PDE5A: variants seen among roughly 807,000 people sequenced by gnomAD.
PDE5A encodes phosphodiesterase 5A.
In PDE5A, 67 loss-of-function variants were observed where a neutral mutation model predicts 110.2. The ratio of observed to expected loss-of-function variants is 0.61; its 90% CI spans 0.50 to 0.75. PDE5A has a LOEUF of 0.75. PDE5A is among the 30% of genes least tolerant of loss of function. The pLI, the probability that PDE5A is intolerant of heterozygous loss-of-function variation, is 0.00. For synonymous variants in PDE5A, 328 were observed against 351.2 expected, an observed-to-expected ratio of 0.93 and a Z score of 0.74; for missense variants, 862 against 1,045.1, an observed-to-expected ratio of 0.82 and a Z score of 2.42.
chr4:119,625,183 C>T (rs1288878205), intron 1 of PDE5A, among the ~76,000 whole-genome samples: 1 of 151,930 alleles, frequency 6.6e-6, no homozygotes, highest in African/African-American at 2.4e-5. Context: ...TTAGTAGAGA[C>T]GGGGTTTCAC....
At chr4:119,517,249 CTAAA>C (rs951649611) in intron 14 of PDE5A, 7 of 151,988 alleles carry the variant, frequency 4.6e-5, no homozygotes, top group Admixed American at 4.6e-4. Context: ...TTGATTTTCT[CTAAA>C]TATTAGTTTG....
chr4:119,596,495 C>G, intron 3 of PDE5A, 28 bp downstream of exon 3: 1 of 1,248,662 alleles, frequency 8.0e-7, no homozygotes, highest in Non-Finnish European at 1.1e-6. Context: ...TTTCCAATGA[C>G]CTTTTATAAA....
chr4:119,609,396 T>C (rs181914519), intron 1 of PDE5A, among the ~76,000 whole-genome samples: 295 of 152,270 alleles, frequency 1.9e-3, no homozygotes, highest in African/African-American at 6.7e-3. Flanking sequence ...AACATAATTA[T>C]ATGTACTGAT....
rs114832414 is a variant in PDE5A, at chr4:119,523,024, T to C, written c.1780-1964A>G. 1.1e-3 allele frequency among the ~76,000 whole-genome samples: 161 copies of C among 151,932 alleles called. 1 individual carries two copies. Among genetic ancestry groups the C allele is most frequent in the African/African-American group, 3.9e-3 (161 of 41,470 alleles). The stretch of plus-strand genomic sequence containing the variant: ...CAATCAGTAGTGAAAAATAACAAAA[T>C]TGCATATATAAAGGAAATAAGTAAA... On this transcript the variant is annotated intron_variant, in intron 12 of 20. Transcript: ENST00000354960.
At chr4:119,593,142 A>G (rs936460455) in intron 3 of PDE5A, among the ~76,000 whole-genome samples, 3 of 152,224 alleles carry the variant, frequency 2.0e-5, no homozygotes, top group Non-Finnish European at 4.4e-5. Context: ...GAAATATGGT[A>G]CAGCTACTTT....
intron 2 of PDE5A, among the ~76,000 whole-genome samples, chr4:119,602,651 G>A (rs1729385816): frequency 6.6e-6 from 1 of 151,992 alleles, no homozygotes; most frequent in Admixed American, 6.6e-5. Context: ...AAATTCATCT[G>A]GAAATAATCA....
At chr4:119,610,117 T>C (rs1184299452) in intron 1 of PDE5A, among the ~76,000 whole-genome samples, 2 of 152,198 alleles carry the variant, frequency 1.3e-5, no homozygotes, top group African/African-American at 4.8e-5. Flanking sequence ...CATAGATGCA[T>C]GCTGTGACTT....
chr4:119,578,535 A>C (rs1322902390), intron 3 of PDE5A, among the ~76,000 whole-genome samples: 1 of 152,238 alleles, frequency 6.6e-6, no homozygotes, highest in East Asian at 1.9e-4. Flanking sequence ...GTAATGCTGC[A>C]TATCTACAAC....
At position 119,498,424 on chromosome 4, in the gene PDE5A, T is replaced by C. The variant is rs563298363; in HGVS notation, c.*177A>G. 3.3e-6 allele frequency: 2 copies of C among 605,256 alleles called. No individual in the cohort carries two copies. Among genetic ancestry groups the C allele is most frequent in the East Asian group, 2.8e-5 (1 of 35,972 alleles). The allele number at this position is 605,256 out of a possible 1,614,324, so 37.5% of individuals were successfully genotyped here. ...GCATAAAACAAATATACAAAAAATATGTAATAGTCCTCTAAAAACATTCAT... is the reference window on the plus strand; with the variant it reads ...GCATAAAACAAATATACAAAAAATACGTAATAGTCCTCTAAAAACATTCAT... On this transcript the variant is annotated 3_prime_UTR_variant, in exon 21 of 21. Transcript: ENST00000354960.
chr4:119,610,775 T>A (rs1729713516), intron 1 of PDE5A, among the ~76,000 whole-genome samples: 1 of 152,094 alleles, frequency 6.6e-6, no homozygotes, highest in East Asian at 1.9e-4. Context: ...AAATCCTATA[T>A]CCCAATCTGC....
chr4:119,617,377 C>T (rs945364502), intron 1 of PDE5A, among the ~76,000 whole-genome samples: 1 of 152,128 alleles, frequency 6.6e-6, no homozygotes, highest in Non-Finnish European at 1.5e-5. Context: ...GACACACACA[C>T]ACACACGCAC....
intron 7 of PDE5A, among the ~76,000 whole-genome samples, chr4:119,558,698 A>C (rs966413538): frequency 6.6e-6 from 1 of 152,146 alleles, no homozygotes; most frequent in Non-Finnish European, 1.5e-5. Context: ...CTGTATCACT[A>C]TAATAAAAGC....
chr4:119,567,233 G>T, intron 3 of PDE5A, 89 bp from the exon 4 acceptor site: 2 of 949,406 alleles, frequency 2.1e-6, no homozygotes, highest in South Asian at 1.4e-5. Flanking sequence ...AAGATATCCT[G>T]CATGTGCTTT....
chr4:119,569,031 CT>C (rs202205857), intron 3 of PDE5A, among the ~76,000 whole-genome samples: 3,628 of 142,574 alleles, frequency 0.025, 119 homozygotes, highest in African/African-American at 0.081. Context: ...TCCTTTCAGT[CT>C]TTTTTTTTTT....
chr4:119,533,557 A>G (rs1250435770), intron 11 of PDE5A, among the ~76,000 whole-genome samples: 2 of 152,206 alleles, frequency 1.3e-5, no homozygotes, highest in African/African-American at 4.8e-5. Context: ...GAAATTCAGT[A>G]AATCTTGCAG....
chr4:119,568,416 T>C lies in PDE5A; in HGVS notation c.832-1272A>G, dbSNP rs139148690. 4.4e-4 allele frequency among the ~76,000 whole-genome samples: 67 copies of C among 152,254 alleles called. 1 individual carries two copies. The East Asian group carries it at 0.011, about 25-fold the overall frequency. Reference sequence around the variant, plus strand: ...ACTTGAAGGTCATTGGGGTCTAATATAGAGTAGTATAATTTGGTTATTTTA... The same window carrying C: ...ACTTGAAGGTCATTGGGGTCTAATACAGAGTAGTATAATTTGGTTATTTTA... On this transcript the variant is annotated intron_variant, in intron 3 of 20. Coordinates refer to ENST00000354960, the MANE Select transcript of PDE5A (RefSeq NM_001083.4).
chr4:119,524,633 G>C (rs1401006608), intron 12 of PDE5A, among the ~76,000 whole-genome samples: 1 of 152,152 alleles, frequency 6.6e-6, no homozygotes, highest in Non-Finnish European at 1.5e-5. Context: ...TCGCTGAAAT[G>C]TGCCCCTGGC....
chr4:119,552,823 G>A (rs1222701970), intron 8 of PDE5A, among the ~76,000 whole-genome samples, 186 bp from the exon 9 acceptor site: 1 of 151,908 alleles, frequency 6.6e-6, no homozygotes, highest in Admixed American at 6.6e-5. Context: ...ATAAAGCAAT[G>A]TCTACTTTGT....
At chr4:119,546,329 A>G (rs1727128434) in intron 9 of PDE5A, among the ~76,000 whole-genome samples, 1 of 152,134 alleles carries the variant, frequency 6.6e-6, no homozygotes, top group Admixed American at 6.5e-5. Flanking sequence ...GAGATACATA[A>G]AATGGTGTCT....
Sources: gnomAD v4.1 joint callset for allele counts (sites outside exome capture counted in the v4.1 genomes callset) on GRCh38, gnomAD v4.1.1 for gene constraint, MANE v1.5 for transcripts, NCBI Gene and HGNC (gene_info 2026-07-23, HGNC 2026-07-21) for gene names.